The following PCBP3 variants were observed in gnomAD, a reference collection of about 807,000 sequenced individuals.
PCBP3 encodes poly(rC) binding protein 3.
A neutral mutation model predicts 52.7 loss-of-function variants in PCBP3; 25 were observed. The ratio of observed to expected loss-of-function variants is 0.47; its 90% confidence interval spans 0.35 to 0.66. The LOEUF (loss-of-function observed/expected upper bound fraction) is 0.66. Ranked by LOEUF, PCBP3 falls within the 30% of genes least tolerant of loss-of-function variation. The pLI, the probability that PCBP3 is intolerant of heterozygous loss-of-function variation, is 0.01. For missense variants in PCBP3, 391 were observed against 490.3 expected (o/e 0.80, Z 1.91); for synonymous variants, 162 against 183.0 (o/e 0.89, Z 0.93).
Position 45,917,852 on chromosome 21 carries a change from C to T in PCBP3, c.717+223C>T. 1.7e-6 allele frequency: 1 copy of T among 580,392 alleles called. No individual in the cohort carries two copies. The highest frequency in any genetic ancestry group is 3.2e-6 in the Non-Finnish European group (1 of 313,548). 36.0% of individuals were successfully genotyped at this position (580,392 alleles called of 1,614,324 possible). A position where few individuals can be genotyped will look rare whatever the true frequency, so the allele number is the denominator to read the frequency against. On this transcript the variant is annotated intron_variant, in intron 13 of 17. Transcript: ENST00000681687. The surrounding 1 kb of genome is among the most constrained non-coding windows in gnomAD (Gnocchi z 5.3). ...GACTTGGCCTGATGTCAAATTGTCT[C>T]AATTCTGCCGCAGTCCTGGGTTTTC...
chr21:45,668,584 GA>G (rs2080959712), intron 1 of PCBP3, among the ~76,000 whole-genome samples: 1 of 150,860 alleles, frequency 6.6e-6, no homozygotes, highest in Non-Finnish European at 1.5e-5. Flanking sequence ...GGGGTGGGGG[GA>G]TGGGAATAGG....
intron 1 of PCBP3, among the ~76,000 whole-genome samples, chr21:45,665,654 G>A (rs1232651280): frequency 6.6e-6 from 1 of 152,098 alleles, no homozygotes; most frequent in African/African-American, 2.4e-5. Flanking sequence ...ACAAAGCCCA[G>A]GACCAAATGG....
chr21:45,671,481 G>A (rs960237958), intron 2 of PCBP3, among the ~76,000 whole-genome samples: 1 of 152,172 alleles, frequency 6.6e-6, no homozygotes, highest in African/African-American at 2.4e-5. Context: ...AGGGGAGAAT[G>A]GAAGATAAAC....
chr21:45,752,247 T>C (rs571942700), intron 3 of PCBP3, among the ~76,000 whole-genome samples: 1 of 152,252 alleles, frequency 6.6e-6, no homozygotes, highest in Non-Finnish European at 1.5e-5. Context: ...TTTAATTTTT[T>C]ATTAGTTTAT....
At chr21:45,748,882 C>T (rs1033198817) in intron 3 of PCBP3, among the ~76,000 whole-genome samples, 1 of 152,220 alleles carries the variant, frequency 6.6e-6, no homozygotes, top group South Asian at 2.1e-4. Context: ...CAGATCACCA[C>T]GTGACCTCGG....
chr21:45,854,907 G>A (rs993529265), intron 5 of PCBP3, among the ~76,000 whole-genome samples: 2 of 152,218 alleles, frequency 1.3e-5, no homozygotes, highest in African/African-American at 4.8e-5. Flanking sequence ...CAGGAGTGCT[G>A]GAGGAAATGG....
intron 1 of PCBP3, among the ~76,000 whole-genome samples, chr21:45,646,107 C>CTCTGTGTGTGTGTGTGTGTGTGTGTGTG: frequency 1.2e-5 from 1 of 83,824 alleles, no homozygotes; most frequent in East Asian, 3.5e-4. Context: ...CTCTCTCTCT[C>CTCTGTGTGTGTGTGTGTGTGTGTGTGTG]TGTGTGTGTG....
At chr21:45,884,832 C>G (rs1041364274) in intron 5 of PCBP3, among the ~76,000 whole-genome samples, 5 of 152,212 alleles carry the variant, frequency 3.3e-5, no homozygotes, top group Non-Finnish European at 7.3e-5. Flanking sequence ...AGGGAAGAAA[C>G]TGTAACTTCC....
Position 45,788,298 on chromosome 21 carries a change from A to G in PCBP3, c.-126+32846A>G, listed in dbSNP as rs969812345. On this transcript the variant is annotated intron_variant, in intron 4 of 17. Coordinates refer to ENST00000681687, the MANE Select transcript of PCBP3 (RefSeq NM_001384156.1). The surrounding 1 kb of genome is among the most constrained non-coding windows in gnomAD (Gnocchi z 4.3). ...ATACTTCTCCCTTGCTTTTTGGTAG[A>G]TGGACAGTGTGTCACCCTCGGGGAG... 6.6e-6 allele frequency: 1 copy of G among 152,422 alleles called. No homozygotes were observed. The highest frequency in any genetic ancestry group is 2.4e-5 in the African/African-American group (1 of 41,436). The allele number at this position is 152,422 out of a possible 1,614,324, so 9.4% of individuals were successfully genotyped here.
At chr21:45,905,221 G>A (rs1329554729) in intron 9 of PCBP3, among the ~76,000 whole-genome samples, 1 of 152,166 alleles carries the variant, frequency 6.6e-6, no homozygotes, top group African/African-American at 2.4e-5. Flanking sequence ...TGGGCAGAAT[G>A]ACCCCCCAGA....
chr21:45,923,242 G>C (rs2074717088), intron 13 of PCBP3, among the ~76,000 whole-genome samples: 1 of 152,230 alleles, frequency 6.6e-6, no homozygotes, highest in Non-Finnish European at 1.5e-5. Flanking sequence ...CCTCACTGTA[G>C]TGAGAGAGTA....
Position 45,722,193 on chromosome 21 carries a change from A to T in PCBP3, c.-199-13199A>T, listed in dbSNP as rs371912706. 4.5e-4 allele frequency among the ~76,000 whole-genome samples: 69 copies of T among 152,326 alleles called. 5 individuals carry two copies. The highest frequency in any genetic ancestry group is 3.5e-3 in the East Asian group (18 of 5,184). On this transcript the variant is annotated intron_variant, in intron 2 of 17. Coordinates refer to ENST00000681687, the MANE Select transcript of PCBP3 (RefSeq NM_001384156.1). ...AAAGCAATTAGCGTTTATAGGAATG[A>T]TCCATGACATGAAAAAAATGTACCC...
Position 45,837,180 on chromosome 21 carries a change from C to G in PCBP3, c.-125-12781C>G, listed in dbSNP as rs1008886697. The stretch of plus-strand genomic sequence containing the variant: ...GCGTGTTAGCGCCACGGATGATCTA[C>G]AGTCCACCAACATTCTGAATGTTTG... On this transcript the variant is annotated intron_variant, in intron 4 of 17. Transcript: ENST00000681687. This position sits in a 1 kb window ranked among gnomAD's most constrained non-coding sequence, Gnocchi z 4.1. Among the ~76,000 whole-genome samples the G allele has an allele frequency of 1.3e-5, 2 of 152,232 alleles. No homozygotes were observed. The highest frequency in any genetic ancestry group is 4.8e-5 in the African/African-American group (2 of 41,462).
chr21:45,706,274 G>A (rs988398702), intron 2 of PCBP3, among the ~76,000 whole-genome samples: 5 of 152,132 alleles, frequency 3.3e-5, no homozygotes, highest in African/African-American at 4.8e-5. Flanking sequence ...CTGTGTAGCC[G>A]GAGGAAGAGC....
chr21:45,739,225 AC>A (rs2086175508), intron 3 of PCBP3, among the ~76,000 whole-genome samples: 2 of 11,812 alleles, frequency 1.7e-4, no homozygotes, highest in Non-Finnish European at 3.2e-4. Context: ...TCTGGGTGGC[AC>A]CCCCCATCTT....
At chr21:45,866,921 C>A (rs1015196766) in intron 5 of PCBP3, among the ~76,000 whole-genome samples, 1 of 152,200 alleles carries the variant, frequency 6.6e-6, no homozygotes, top group African/African-American at 2.4e-5. Context: ...GAACAGGAAT[C>A]CCATAACAGA....
At chr21:45,670,709 G>A (rs184249080) in intron 2 of PCBP3, among the ~76,000 whole-genome samples, 2 of 152,276 alleles carry the variant, frequency 1.3e-5, no homozygotes, top group Admixed American at 1.3e-4. Flanking sequence ...TGGTTTCTCA[G>A]TATCTGATTC....
intron 4 of PCBP3, among the ~76,000 whole-genome samples, chr21:45,845,450 TGA>T (rs779952227): frequency 1.4e-5 from 2 of 147,840 alleles, no homozygotes; most frequent in South Asian, 2.1e-4. Flanking sequence ...TCCACACGTG[TGA>T]GTGTGTGCCT....
chr21:45,804,241 C>G (rs1325312064), intron 4 of PCBP3, among the ~76,000 whole-genome samples: 1 of 152,202 alleles, frequency 6.6e-6, no homozygotes, highest in Admixed American at 6.5e-5. Flanking sequence ...GGCGTGTTCA[C>G]AGTACTCCTT....
Sources: gnomAD v4.1 joint callset for allele counts (sites outside exome capture counted in the v4.1 genomes callset) on GRCh38, gnomAD v4.1.1 for gene constraint, Gnocchi (gnomAD v3.1) non-coding constraint, MANE v1.5 for transcripts, NCBI Gene and HGNC (gene_info 2026-07-23, HGNC 2026-07-21) for gene names.